AKAP6: variants seen among roughly 807,000 people sequenced by gnomAD.
AKAP6 encodes A-kinase anchor protein 6.
Under a neutral mutation model 188.5 loss-of-function variants are expected in AKAP6, and 58 were observed. The observed-to-expected ratio is 0.31, with a 90% confidence interval of 0.25 to 0.38. The LOEUF (loss-of-function observed/expected upper bound fraction) is 0.38. Among genes scored for constraint, AKAP6 ranks in the 10% least tolerant of loss-of-function variants. AKAP6 has a pLI of 1.00. For synonymous variants in AKAP6, 989 were observed against 998.6 expected (o/e 0.99, Z 0.18); for missense variants, 2,710 against 2,740.0 (o/e 0.99, Z 0.24).
intron 12 of AKAP6, among the ~76,000 whole-genome samples, chr14:32,796,815 A>G (rs1278551761): frequency 6.6e-6 from 1 of 152,214 alleles, no homozygotes; most frequent in Non-Finnish European, 1.5e-5. Flanking sequence ...TAATTAAACC[A>G]AGAGAGCTTC....
chr14:32,791,245 G>A (rs1045404567), intron 12 of AKAP6, among the ~76,000 whole-genome samples: 5 of 152,140 alleles, frequency 3.3e-5, no homozygotes, highest in Admixed American at 2.6e-4. Context: ...CAGTATAAAA[G>A]CGTTCCTATT....
chr14:32,769,186 T>C (rs1296307159), intron 11 of AKAP6, among the ~76,000 whole-genome samples: 2 of 151,604 alleles, frequency 1.3e-5, no homozygotes, highest in Non-Finnish European at 2.9e-5. Context: ...TAGCTGGGAT[T>C]ACAGGCACCC....
intron 4 of AKAP6, among the ~76,000 whole-genome samples, chr14:32,559,670 C>A (rs565459561): frequency 5.1e-4 from 77 of 152,156 alleles, no homozygotes; most frequent in African/African-American, 1.8e-3. Context: ...AAAAAAACCT[C>A]TTTATCCACC....
chr14:32,590,144 C>T (rs1885427044), intron 5 of AKAP6, among the ~76,000 whole-genome samples: 1 of 152,110 alleles, frequency 6.6e-6, no homozygotes, highest in Non-Finnish European at 1.5e-5. Flanking sequence ...ATGCTTTTAT[C>T]ATTTGGGGGA....
At chr14:32,749,586 G>T (rs2300838) in intron 11 of AKAP6, among the ~76,000 whole-genome samples, 19 of 152,108 alleles carry the variant, frequency 1.2e-4, no homozygotes, top group Admixed American at 1.2e-3. Context: ...ATTTCAGCCT[G>T]GATAGCCATA....
At chr14:32,379,643 G>A (rs909790932) in intron 1 of AKAP6, among the ~76,000 whole-genome samples, 1 of 151,982 alleles carries the variant, frequency 6.6e-6, no homozygotes, top group African/African-American at 2.4e-5. Flanking sequence ...TGTTTGGTAT[G>A]TAGACTTTGG....
chr14:32,614,356 T>C (rs895319124), intron 7 of AKAP6, among the ~76,000 whole-genome samples: 1 of 152,204 alleles, frequency 6.6e-6, no homozygotes, highest in Non-Finnish European at 1.5e-5. Context: ...GTAGAAGAGT[T>C]TGAAGATGAA....
At chr14:32,806,212 T>C (rs1356230817) in intron 12 of AKAP6, among the ~76,000 whole-genome samples, 1 of 152,184 alleles carries the variant, frequency 6.6e-6, no homozygotes, top group Non-Finnish European at 1.5e-5. Context: ...ACCCAAAGAA[T>C]TTGCAAGATA....
intron 12 of AKAP6, among the ~76,000 whole-genome samples, chr14:32,790,965 T>A (rs2033590032): frequency 6.6e-6 from 1 of 152,204 alleles, no homozygotes; most frequent in Admixed American, 6.5e-5. Flanking sequence ...TTTTTATGGC[T>A]GCATAGTATT....
intron 2 of AKAP6, among the ~76,000 whole-genome samples, chr14:32,520,019 A>C (rs1382720700): frequency 1.3e-5 from 2 of 152,228 alleles, no homozygotes; most frequent in Non-Finnish European, 2.9e-5. Context: ...AGGCAATCAA[A>C]TTAGAGCTCA....
chr14:32,454,539 C>G (rs954546458), intron 2 of AKAP6, among the ~76,000 whole-genome samples: 1 of 152,148 alleles, frequency 6.6e-6, no homozygotes, highest in Non-Finnish European at 1.5e-5. Flanking sequence ...AACTATGAAA[C>G]AGTAGAAAAT....
At chr14:32,757,853 A>G (rs2032396326) in intron 11 of AKAP6, among the ~76,000 whole-genome samples, 1 of 152,188 alleles carries the variant, frequency 6.6e-6, no homozygotes, top group Admixed American at 6.5e-5. Context: ...CGTGAAGAGA[A>G]GTGAGGAAAT....
chr14:32,546,729 G>T lies in AKAP6; in HGVS notation c.2076G>T (p.Arg692Ser), dbSNP rs528910862. The change falls in exon 4 of 14, where the codon AGG (arginine) becomes AGT (serine). Residue 692 changes from arginine to serine, a missense_variant. Physicochemically the swap from Arg to Ser is moderately radical, Grantham distance 110. Coordinates refer to ENST00000280979, the MANE Select transcript of AKAP6 (RefSeq NM_004274.5). ...PTYHVKKKHT[R>S]LGRVSPSSSS... ...ATCATGTCAAAAAGAAGCATACAAGGCTAGGCAGGGTGTCTCCAAGCTCAT... is the reference window on the plus strand; with the variant it reads ...ATCATGTCAAAAAGAAGCATACAAGTCTAGGCAGGGTGTCTCCAAGCTCAT... The T allele has an allele frequency of 6.2e-7, 1 of 1,614,070 alleles. No homozygotes were observed. The highest frequency in any genetic ancestry group is 1.3e-5 in the African/African-American group (1 of 75,008).
At chr14:32,751,498 C>CTTTTTTTTTTTT (rs71432082) in intron 11 of AKAP6, among the ~76,000 whole-genome samples, 3 of 122,548 alleles carry the variant, frequency 2.4e-5, no homozygotes, top group Non-Finnish European at 3.3e-5. Context: ...TCTCTTTTCA[C>CTTTTTTTTTTTT]TTTTTTTTTT....
At chr14:32,701,949 G>A (rs1194981126) in intron 9 of AKAP6, among the ~76,000 whole-genome samples, 1 of 152,050 alleles carries the variant, frequency 6.6e-6, no homozygotes, top group Non-Finnish European at 1.5e-5. Flanking sequence ...AGAATAGAAG[G>A]ACGAGTCAAA....
At chr14:32,334,751 C>T (rs561084424) in intron 1 of AKAP6, among the ~76,000 whole-genome samples, 14 of 152,216 alleles carry the variant, frequency 9.2e-5, no homozygotes, top group African/African-American at 2.6e-4. Flanking sequence ...GAGCACATAC[C>T]GGTCAGTAAT....
At chr14:32,562,008 T>C (rs562186305) in intron 4 of AKAP6, among the ~76,000 whole-genome samples, 1 of 152,282 alleles carries the variant, frequency 6.6e-6, no homozygotes, top group South Asian at 2.1e-4. Flanking sequence ...GAATTTTCTA[T>C]CTAAGAATGA....
intron 2 of AKAP6, among the ~76,000 whole-genome samples, chr14:32,438,027 A>G (rs947224963): frequency 6.6e-6 from 1 of 152,106 alleles, no homozygotes; most frequent in Admixed American, 6.6e-5. Flanking sequence ...TTAGGACTCA[A>G]TTCACACCTG....
At chr14:32,446,760 C>T (rs1006145382) in intron 2 of AKAP6, among the ~76,000 whole-genome samples, 1 of 151,968 alleles carries the variant, frequency 6.6e-6, no homozygotes, top group Non-Finnish European at 1.5e-5. Flanking sequence ...AAATGCAATT[C>T]CATGAATGTG....
Sources: gnomAD v4.1 joint callset for allele counts (sites outside exome capture counted in the v4.1 genomes callset) on GRCh38, gnomAD v4.1.1 for gene constraint, MANE v1.5 for transcripts, NCBI Gene and HGNC (gene_info 2026-07-23, HGNC 2026-07-21) for gene names.